The following LRGUK variants were observed in gnomAD, a reference collection of about 807,000 sequenced individuals.
LRGUK encodes leucine-rich repeat and guanylate kinase domain-containing protein.
A neutral mutation model predicts 76.0 loss-of-function variants in LRGUK; 65 were observed. The ratio of observed to expected loss-of-function variants is 0.85; its 90% confidence interval spans 0.70 to 1.05. The LOEUF (loss-of-function observed/expected upper bound fraction) is 1.05. Ranked by LOEUF, LRGUK falls within the 50% of genes least tolerant of loss-of-function variation. LRGUK has a pLI of 0.00. For missense variants in LRGUK, 758 were observed against 732.8 expected, an observed-to-expected ratio of 1.03 and a Z score of -0.40; for synonymous variants, 268 against 265.6, an observed-to-expected ratio of 1.01 and a Z score of -0.09.
In LRGUK at chr7:134,128,871, A is replaced by G. The variant is rs576009745; in HGVS notation, c.297+1207A>G. On this transcript the variant is annotated intron_variant, in intron 1 of 15. Coordinates refer to ENST00000645682, the Ensembl canonical transcript of LRGUK. ...GGCCTAATTTGCTTCCTTTCTTTCAATACACTGTTAGGTTCTTCTCTTTGT... is the reference window on the plus strand; with the variant it reads ...GGCCTAATTTGCTTCCTTTCTTTCAGTACACTGTTAGGTTCTTCTCTTTGT... Among the ~76,000 whole-genome samples, 6 of 152,206 alleles carry G rather than the reference A, an allele frequency of 3.9e-5. No homozygotes were observed. In the East Asian group the frequency reaches 1.2e-3, roughly 29 times the overall value.
intron 17 of LRGUK, among the ~76,000 whole-genome samples, chr7:134,248,693 T>G (rs1336500623): frequency 6.6e-6 from 1 of 152,176 alleles, no homozygotes; most frequent in Non-Finnish European, 1.5e-5. Flanking sequence ...GGAAGATAAT[T>G]TGCCTATATT....
intron 15 of LRGUK, among the ~76,000 whole-genome samples, chr7:134,204,611 CAATT>C (rs1282725206): frequency 2.6e-5 from 4 of 152,150 alleles, no homozygotes; most frequent in Admixed American, 1.3e-4. Flanking sequence ...CTTATCTAGA[CAATT>C]AATTTGCTGA....
At chr7:134,276,338 C>T in the LRGUK span, among the ~76,000 whole-genome samples, 1 of 152,198 alleles carries the variant, frequency 6.6e-6, no homozygotes, top group Admixed American at 6.5e-5. Context: ...CTGTGGGAGA[C>T]TGCTGTCAGA....
intron 8 of LRGUK, 129 bp downstream of exon 8, chr7:134,174,765 TCTTC>T: frequency 1.5e-6 from 1 of 654,486 alleles, no homozygotes. Flanking sequence ...AGTTTGTCTA[TCTTC>T]CTTCTTTCTA....
At chr7:134,266,401 A>T (rs1075030), downstream of LRGUK, among the ~76,000 whole-genome samples, 2 of 152,146 alleles carry the variant, frequency 1.3e-5, no homozygotes, top group African/African-American at 4.8e-5. Context: ...ACAAATGAAG[A>T]GATAGATAAT....
At chr7:134,268,352 T>C (rs1802898551), downstream of LRGUK, among the ~76,000 whole-genome samples, 1 of 152,114 alleles carries the variant, frequency 6.6e-6, no homozygotes, top group Non-Finnish European at 1.5e-5. Context: ...ACTCTACATA[T>C]GTAATTTGGC....
chr7:134,152,985 T>C (rs1268711755), intron 5 of LRGUK, among the ~76,000 whole-genome samples: 1 of 152,116 alleles, frequency 6.6e-6, no homozygotes, highest in Non-Finnish European at 1.5e-5. Context: ...CTGAGCATAG[T>C]TACTGTCTCT....
In LRGUK at chr7:134,178,619, A is replaced by C; in HGVS notation, c.1214+10A>C. 1.9e-6 allele frequency: 3 copies of C among 1,605,384 alleles called. No homozygotes were observed. The highest frequency in any genetic ancestry group is 2.6e-6 in the Non-Finnish European group (3 of 1,174,692). On this transcript the variant is annotated intron_variant, in intron 10 of 15. Transcript: ENST00000645682. ...AGAGGATCTTTGACAGGTACTTATT[A>C]GAAATCCAAAGGCCGGAATTCAGGG...
intron 5 of LRGUK, among the ~76,000 whole-genome samples, chr7:134,152,399 C>T (rs978397183): frequency 6.6e-6 from 1 of 151,760 alleles, no homozygotes; most frequent in Non-Finnish European, 1.5e-5. Flanking sequence ...TATCCCATGT[C>T]CCTGGATAAG....
chr7:134,174,106 G>T (rs112993300), intron 7 of LRGUK, among the ~76,000 whole-genome samples: 20,990 of 130,836 alleles, frequency 0.16, 2,253 homozygotes, highest in East Asian at 0.39. Context: ...AGACTCCATC[G>T]CAAAAAAAAA....
downstream of LRGUK, among the ~76,000 whole-genome samples, chr7:134,211,297 A>T (rs1332764652): frequency 6.6e-6 from 1 of 152,228 alleles, no homozygotes; most frequent in Non-Finnish European, 1.5e-5. Context: ...CCAGACACGA[A>T]TCCAACCTGA....
intron 12 of LRGUK, among the ~76,000 whole-genome samples, chr7:134,193,990 C>G (rs776539277): frequency 6.6e-6 from 1 of 152,162 alleles, no homozygotes; most frequent in Non-Finnish European, 1.5e-5. Flanking sequence ...AATCATCCCC[C>G]TAACATGCCC....
chr7:134,251,551 T>C (rs866304885), intron 18 of LRGUK, among the ~76,000 whole-genome samples: 3 of 152,346 alleles, frequency 2.0e-5, no homozygotes, highest in Middle Eastern at 3.4e-3. Context: ...ATACGACCTG[T>C]ATAAAAATCC....
intron 7 of LRGUK, among the ~76,000 whole-genome samples, chr7:134,165,759 A>G (rs190344026): frequency 6.6e-6 from 1 of 152,322 alleles, no homozygotes; most frequent in East Asian, 1.9e-4. Flanking sequence ...GGGCAGCTGC[A>G]TGTGGCTAGT....
At chr7:134,269,137 A>G (rs1213679203), downstream of LRGUK, among the ~76,000 whole-genome samples, 1 of 152,112 alleles carries the variant, frequency 6.6e-6, no homozygotes, top group Non-Finnish European at 1.5e-5. Context: ...TACTGAAACT[A>G]TTCCAAACAA....
chr7:134,183,276 T>A (rs1799835596), intron 10 of LRGUK, among the ~76,000 whole-genome samples: 1 of 152,240 alleles, frequency 6.6e-6, no homozygotes, highest in African/African-American at 2.4e-5. Flanking sequence ...GTATGACTCT[T>A]AGAATGCTTC....
chr7:134,260,210 A>G (rs1050399649), intron 19 of LRGUK, among the ~76,000 whole-genome samples: 3 of 151,996 alleles, frequency 2.0e-5, no homozygotes, highest in African/African-American at 7.2e-5. Flanking sequence ...TGTAACATAT[A>G]TATGCATATT....
At chr7:134,221,918 G>A (rs376097404) in exon 16 of LRGUK, 16 of 1,587,348 alleles carry the variant, frequency 1.0e-5, no homozygotes, top group East Asian at 2.3e-5. Context: ...AAACACCAGC[G>A]GTAAGAGAGG....
downstream of LRGUK, among the ~76,000 whole-genome samples, chr7:134,213,462 C>T (rs1313964834): frequency 1.3e-5 from 2 of 152,138 alleles, no homozygotes; most frequent in African/African-American, 2.4e-5. Context: ...GATCATTACC[C>T]ATTTTCTGTG....
Sources: allele counts gnomAD v4.1 joint callset (sites outside exome capture counted in the v4.1 genomes callset), GRCh38; gene constraint gnomAD v4.1.1; transcripts MANE v1.5; gene names NCBI Gene and HGNC (gene_info 2026-07-23, HGNC 2026-07-21).